The following SHC3 variants were observed in gnomAD, a reference collection of about 807,000 sequenced individuals.
SHC3 encodes the protein SHC-transforming protein 3.
SHC3 carries 15 observed loss-of-function variants against 60.4 expected under a neutral mutation model. That is an observed-to-expected ratio of 0.25 (90% CI 0.17 to 0.38). The LOEUF (loss-of-function observed/expected upper bound fraction) is 0.38. Among genes scored for constraint, SHC3 ranks in the 10% least tolerant of loss-of-function variants. The probability of loss-of-function intolerance (pLI) is 1.00; values close to 1 mark genes in which losing one functional copy is unlikely to be tolerated. For synonymous variants in SHC3, 294 were observed against 325.9 expected (o/e 0.90, Z 1.05); for missense variants, 677 against 786.1 (o/e 0.86, Z 1.66).
chr9:89,120,046 G>A lies in SHC3; in HGVS notation c.475-7420C>T, dbSNP rs569568391. 1.6e-3 allele frequency among the ~76,000 whole-genome samples: 249 copies of A among 152,306 alleles called. 1 individual carries two copies. Among genetic ancestry groups the A allele is most frequent in the Non-Finnish European group, 3.1e-3 (214 of 68,038 alleles). Reference sequence around the variant, plus strand: ...GCCATTGTGCAAGGTTGTGTAAGGCGTGTGTTACTGTGGTGTAGAATGGGA... The same window carrying A: ...GCCATTGTGCAAGGTTGTGTAAGGCATGTGTTACTGTGGTGTAGAATGGGA... On this transcript the variant is annotated intron_variant, in intron 1 of 11. Transcript: ENST00000375835.
At position 89,042,006 on chromosome 9, in the gene SHC3, A is replaced by T. The variant is rs755896106; in HGVS notation, c.1360+20T>A. On this transcript the variant is annotated intron_variant, in intron 10 of 11. Transcript: ENST00000375835. ...AGCAACCTCAAAAGAAAAGAAAACC[A>T]GAGACAAACAGAAACCCACTCATGT... 4.3e-6 allele frequency: 7 copies of T among 1,613,600 alleles called. No homozygotes were observed. The South Asian group carries it at 7.7e-5, about 18-fold the overall frequency.
chr9:89,045,157 C>A (rs1824751240), intron 9 of SHC3, among the ~76,000 whole-genome samples: 1 of 152,078 alleles, frequency 6.6e-6, no homozygotes, highest in Non-Finnish European at 1.5e-5. Context: ...GGAAGCTCTC[C>A]CAGCATGGAG....
At chr9:89,117,991 T>C (rs891236318) in intron 1 of SHC3, among the ~76,000 whole-genome samples, 1 of 152,182 alleles carries the variant, frequency 6.6e-6, no homozygotes, top group Non-Finnish European at 1.5e-5. Flanking sequence ...ACCTGAATTC[T>C]GTTCTCTTCA....
chr9:89,106,549 G>T (rs1416925442), intron 2 of SHC3, among the ~76,000 whole-genome samples: 2 of 152,168 alleles, frequency 1.3e-5, no homozygotes, highest in Non-Finnish European at 2.9e-5. Context: ...AGTGAGGGGA[G>T]GCAGTCGGTG....
At chr9:89,177,791 G>C (rs902211232) in intron 1 of SHC3, among the ~76,000 whole-genome samples, 196 bp downstream of exon 1, 1 of 152,248 alleles carries the variant, frequency 6.6e-6, no homozygotes, top group African/African-American at 2.4e-5. Context: ...TTTCCCAATG[G>C]ATGCGGGAAA....
intron 2 of SHC3, chr9:89,109,129 C>G (rs1825908506): frequency 2.0e-6 from 2 of 985,348 alleles, no homozygotes; most frequent in African/African-American, 1.7e-5. Context: ...AGGAAATCCT[C>G]TACAAACAAC....
chr9:89,065,149 G>A (rs1201915025), intron 6 of SHC3, among the ~76,000 whole-genome samples: 1 of 152,196 alleles, frequency 6.6e-6, no homozygotes, highest in Non-Finnish European at 1.5e-5. Flanking sequence ...TGGCAGGGCA[G>A]AGTGAAGTAG....
chr9:89,026,678 T>C (rs986589914), intron 11 of SHC3, among the ~76,000 whole-genome samples: 3 of 152,224 alleles, frequency 2.0e-5, no homozygotes, highest in South Asian at 2.1e-4. Context: ...GCCTCAGATA[T>C]TTTTTGGTTT....
chr9:89,127,103 TCAG>T (rs1203987505), intron 1 of SHC3, among the ~76,000 whole-genome samples: 8 of 152,204 alleles, frequency 5.3e-5, no homozygotes, highest in African/African-American at 1.9e-4. Flanking sequence ...GTACTGTAGC[TCAG>T]TAGCTAAAGG....
chr9:89,164,012 A>G (rs923393875), intron 1 of SHC3, among the ~76,000 whole-genome samples: 14 of 152,082 alleles, frequency 9.2e-5, no homozygotes, highest in African/African-American at 3.4e-4. Flanking sequence ...TCACCTCCCA[A>G]AGGCCTCACC....
rs566120079 is a variant in SHC3 at position 89,062,823 on chromosome 9, C to T, written c.835+2706G>A. ...TAGAGGCCAATCTTCCTAAATTAAC[C>T]CCTGTACATGGCATAGGGGAGGAAG... On this transcript the variant is annotated intron_variant, in intron 6 of 11. Coordinates refer to ENST00000375835, the MANE Select transcript of SHC3 (RefSeq NM_016848.6). 1.2e-4 allele frequency among the ~76,000 whole-genome samples: 18 copies of T among 152,254 alleles called. No individual in the cohort carries two copies. In the South Asian group the frequency reaches 3.7e-3, roughly 32 times the overall value.
chr9:89,028,987 A>T (rs1320000055), intron 11 of SHC3, among the ~76,000 whole-genome samples: 1 of 149,312 alleles, frequency 6.7e-6, no homozygotes, highest in Non-Finnish European at 1.5e-5. Flanking sequence ...ATAGATATAG[A>T]TATCTATATA....
chr9:89,095,750 C>G (rs1448265031), intron 2 of SHC3, among the ~76,000 whole-genome samples: 1 of 152,152 alleles, frequency 6.6e-6, no homozygotes, highest in Non-Finnish European at 1.5e-5. Context: ...ACCTCCAGGG[C>G]AGGGACAGAC....
chr9:89,025,648 CA>C (rs1826283140), intron 11 of SHC3, among the ~76,000 whole-genome samples: 1 of 152,190 alleles, frequency 6.6e-6, no homozygotes, highest in Non-Finnish European at 1.5e-5. Context: ...AATTCAGGCA[CA>C]ACTGACCAGC....
intron 5 of SHC3, among the ~76,000 whole-genome samples, chr9:89,070,168 A>G (rs1825247428): frequency 6.6e-6 from 1 of 152,232 alleles, no homozygotes. Flanking sequence ...AAAAGTATAA[A>G]AGATGGCTTC....
chr9:89,144,947 A>G (rs1007621618), intron 1 of SHC3, among the ~76,000 whole-genome samples: 2 of 152,176 alleles, frequency 1.3e-5, no homozygotes, highest in African/African-American at 4.8e-5. Flanking sequence ...GCATCCTAAA[A>G]TACAAATAGG....
At chr9:89,086,245 C>T (rs544852917) in intron 2 of SHC3, among the ~76,000 whole-genome samples, 1 of 152,184 alleles carries the variant, frequency 6.6e-6, no homozygotes, top group Admixed American at 6.5e-5. Context: ...CAAGACTGTG[C>T]CCCACTTCCG....
At chr9:89,136,406 C>A (rs1308040941) in intron 1 of SHC3, among the ~76,000 whole-genome samples, 1 of 152,084 alleles carries the variant, frequency 6.6e-6, no homozygotes, top group African/African-American at 2.4e-5. Context: ...CAGCTTATAG[C>A]AGAGAAGCTG....
chr9:89,031,791 G>T (rs1824496726), intron 11 of SHC3, among the ~76,000 whole-genome samples: 1 of 152,138 alleles, frequency 6.6e-6, no homozygotes, highest in African/African-American at 2.4e-5. Context: ...TATCTCCTTT[G>T]TTTATGTTTT....
Sources: gnomAD v4.1 joint callset for allele counts (sites outside exome capture counted in the v4.1 genomes callset) on GRCh38, gnomAD v4.1.1 for gene constraint, MANE v1.5 for transcripts, NCBI Gene and HGNC (gene_info 2026-07-23, HGNC 2026-07-21) for gene names.